The following ATP9A variants were observed in gnomAD, a reference collection of about 807,000 sequenced individuals.
ATP9A encodes ATPase phospholipid transporting 9A.
In ATP9A, 52 loss-of-function variants were observed where a neutral mutation model predicts 144.1. The ratio of observed to expected loss-of-function variants is 0.36; its 90% confidence interval spans 0.29 to 0.45. The LOEUF (loss-of-function observed/expected upper bound fraction) is 0.45. Ranked by LOEUF, ATP9A falls within the 20% of genes least tolerant of loss-of-function variation. The pLI, the probability that ATP9A is intolerant of heterozygous loss-of-function variation, is 1.00. For missense variants in ATP9A, 947 were observed against 1,392.7 expected (o/e 0.68, Z 5.09); for synonymous variants, 582 against 557.4 (o/e 1.04, Z -0.62).
At chr20:51,684,628 G>A (rs977532887) in intron 9 of ATP9A, among the ~76,000 whole-genome samples, 4 of 150,186 alleles carry the variant, frequency 2.7e-5, no homozygotes, top group South Asian at 2.1e-4. Flanking sequence ...CCCGGGAGGC[G>A]GAGCTTGCAG....
intron 9 of ATP9A, among the ~76,000 whole-genome samples, chr20:51,684,421 G>A (rs1340373077): frequency 6.6e-6 from 1 of 152,198 alleles, no homozygotes; most frequent in East Asian, 1.9e-4. Flanking sequence ...ATACGGCCAG[G>A]CGCGGTGGCT....
At chr20:51,741,032 AATTT>A (rs1415665576) in intron 1 of ATP9A, among the ~76,000 whole-genome samples, 3 of 151,480 alleles carry the variant, frequency 2.0e-5, no homozygotes, top group African/African-American at 7.3e-5. Context: ...ATTAAATTTT[AATTT>A]AATTAATTAA....
chr20:51,609,045 A>C (rs1029369400), intron 24 of ATP9A, among the ~76,000 whole-genome samples: 43 of 151,858 alleles, frequency 2.8e-4, no homozygotes, highest in Non-Finnish European at 1.5e-4. Context: ...CAATCCCAGG[A>C]GGAAGAGCAT....
intron 15 of ATP9A, 127 bp from the exon 16 acceptor site, chr20:51,629,199 T>A: frequency 1.6e-6 from 1 of 627,128 alleles, no homozygotes; most frequent in Non-Finnish European, 2.7e-6. Context: ...TTCAGTTGGC[T>A]GAAGATGAAA....
Position 51,696,080 on chromosome 20 carries a change from C to G in ATP9A, c.547+13G>C, listed in dbSNP as rs2077569457. The G allele has an allele frequency of 1.9e-6, 3 of 1,609,886 alleles. No individual in the cohort carries two copies. Among genetic ancestry groups the G allele is most frequent in the Non-Finnish European group, 2.6e-6 (3 of 1,176,278 alleles). On this transcript the variant is annotated intron_variant, in intron 6 of 27. Coordinates refer to ENST00000338821, the MANE Select transcript of ATP9A (RefSeq NM_006045.3). Reference sequence around the variant, plus strand: ...GTTAATGGTTATTTTCCAAATTGATCTCAGATGTTTACCGTTTTTTTCTGA... The same window carrying G: ...GTTAATGGTTATTTTCCAAATTGATGTCAGATGTTTACCGTTTTTTTCTGA...
At chr20:51,746,625 G>T (rs1459063333) in intron 1 of ATP9A, among the ~76,000 whole-genome samples, 1 of 152,226 alleles carries the variant, frequency 6.6e-6, no homozygotes, top group African/African-American at 2.4e-5. Flanking sequence ...AGATCACGAG[G>T]TCAGGAGATT....
At chr20:51,762,272 G>A (rs929031021) in intron 1 of ATP9A, among the ~76,000 whole-genome samples, 2 of 152,146 alleles carry the variant, frequency 1.3e-5, no homozygotes, top group Non-Finnish European at 2.9e-5. Context: ...AGGCCAAGGT[G>A]AGCGGATCAT....
chr20:51,765,693 C>T (rs1367623826), intron 1 of ATP9A, among the ~76,000 whole-genome samples: 1 of 149,298 alleles, frequency 6.7e-6, no homozygotes, highest in Non-Finnish European at 1.5e-5. Context: ...CGGTGGCTCA[C>T]GTCTGTAATC....
intron 12 of ATP9A, 43 bp downstream of exon 12, chr20:51,671,072 T>A: frequency 6.3e-7 from 1 of 1,597,798 alleles, no homozygotes; most frequent in South Asian, 1.1e-5. Context: ...TCAGGCATCT[T>A]CTCTCACCAG....
chr20:51,715,246 T>C (rs1431741361), intron 3 of ATP9A, among the ~76,000 whole-genome samples: 2 of 152,192 alleles, frequency 1.3e-5, no homozygotes, highest in East Asian at 1.9e-4. Flanking sequence ...CCAATGCCCA[T>C]ACATCTTTAC....
At position 51,627,673 on chromosome 20, in the gene ATP9A, A is replaced by G. The variant is rs761804922; in HGVS notation, c.1772T>C (p.Met591Thr). The G allele has an allele frequency of 1.2e-6, 2 of 1,614,056 alleles. No individual in the cohort carries two copies. The highest frequency in any genetic ancestry group is 1.7e-5 in the Admixed American group (1 of 60,010). ...GAGCACCCGCAGCCCTTCTCGGGCC[A>G]TGTTGCCACACTGAAAAATAGACCA... ...NDWLEEECGN[M>T]AREGLRVLVV... is the part of the protein sequence containing the mutation. Residue 591 changes from methionine to threonine, a missense_variant, in exon 17 of 28, where the codon ATG (methionine) becomes ACG (threonine). Coordinates refer to ENST00000338821, the MANE Select transcript of ATP9A (RefSeq NM_006045.3).
rs1370956034 is a variant in ATP9A, at chr20:51,736,559, G to A, written c.69-6581C>T. Among the ~76,000 whole-genome samples, 20 of 131,454 alleles carry A rather than the reference G, an allele frequency of 1.5e-4. No homozygotes were observed. In the Admixed American group the frequency reaches 1.5e-3, roughly 10 times the overall value. 86.2% of individuals were successfully genotyped at this position (131,454 alleles called of 152,430 possible). On this transcript the variant is annotated intron_variant, in intron 1 of 27. Coordinates refer to ENST00000338821, the MANE Select transcript of ATP9A (RefSeq NM_006045.3). ...CTGGAGAACGAGGTCTCGCTATATTGCCCAGGCAGGTCTCGAACTCCTGGG... is the reference window on the plus strand; with the variant it reads ...CTGGAGAACGAGGTCTCGCTATATTACCCAGGCAGGTCTCGAACTCCTGGG...
At chr20:51,625,533 G>C (rs573988855) in intron 17 of ATP9A, among the ~76,000 whole-genome samples, 171 bp from the exon 18 acceptor site, 14 of 152,214 alleles carry the variant, frequency 9.2e-5, no homozygotes, top group Non-Finnish European at 1.9e-4. Flanking sequence ...TTCCTCACAA[G>C]TCCTCCATGT....
intron 15 of ATP9A, among the ~76,000 whole-genome samples, chr20:51,632,722 A>G (rs993515901): frequency 6.6e-5 from 10 of 152,188 alleles, no homozygotes; most frequent in African/African-American, 2.4e-4. Flanking sequence ...CAACCCAACC[A>G]AAGATAAAGA....
chr20:51,639,561 G>C, intron 14 of ATP9A, 57 bp from the exon 15 acceptor site: 3 of 1,546,394 alleles, frequency 1.9e-6, no homozygotes, highest in South Asian at 1.2e-5. Flanking sequence ...GGGTTCACAG[G>C]CTGTGCTATG....
intron 13 of ATP9A, among the ~76,000 whole-genome samples, chr20:51,660,352 T>C (rs2077405772): frequency 6.6e-6 from 1 of 152,180 alleles, no homozygotes; most frequent in Non-Finnish European, 1.5e-5. Context: ...ATTTCAAACA[T>C]GGGATAACAC....
At chr20:51,743,686 A>G (rs1253692685) in intron 1 of ATP9A, among the ~76,000 whole-genome samples, 2 of 140,814 alleles carry the variant, frequency 1.4e-5, no homozygotes, top group Non-Finnish European at 3.1e-5. Flanking sequence ...TATAGGCATG[A>G]GCCACCGTGC....
In ATP9A at chr20:51,611,383, G is replaced by A. The variant is rs1254645379; in HGVS notation, c.2572-1218C>T. Among the ~76,000 whole-genome samples the A allele has an allele frequency of 6.6e-6, 1 of 152,212 alleles. No individual in the cohort carries two copies. The highest frequency in any genetic ancestry group is 1.5e-5 in the Non-Finnish European group (1 of 68,034). On this transcript the variant is annotated intron_variant, in intron 23 of 27. Coordinates refer to ENST00000338821, the MANE Select transcript of ATP9A (RefSeq NM_006045.3). This position sits in a 1 kb window ranked among gnomAD's most constrained non-coding sequence, Gnocchi z 4.2. ...GCTTAGGAAGGATGGTTGTAAAAAT[G>A]TCAAGAATCTGTTGTTTATTTTCCA...
intron 15 of ATP9A, among the ~76,000 whole-genome samples, chr20:51,635,615 T>C (rs986516852): frequency 8.6e-5 from 13 of 151,612 alleles, no homozygotes; most frequent in African/African-American, 3.2e-4. Flanking sequence ...TGTGCACCTG[T>C]AGTCCCAGCT....
Sources: allele counts gnomAD v4.1 joint callset (sites outside exome capture counted in the v4.1 genomes callset), GRCh38; gene constraint gnomAD v4.1.1; non-coding constraint Gnocchi (gnomAD v3.1); transcripts MANE v1.5; gene names NCBI Gene and HGNC (gene_info 2026-07-23, HGNC 2026-07-21).